TP63: variants seen among roughly 807,000 people sequenced by gnomAD.
TP63 encodes the protein tumor protein p63, also known as tumor protein 63.
TP63 carries 17 observed loss-of-function variants against 82.8 expected under a neutral mutation model. The observed-to-expected ratio is 0.21, with a 90% CI of 0.14 to 0.31. TP63 has a LOEUF of 0.31. Ranked by LOEUF, TP63 falls within the 10% of genes least tolerant of loss-of-function variation. TP63 has a pLI of 1.00. For synonymous variants in TP63, 330 were observed against 321.7 expected (o/e 1.03, Z -0.28); for missense variants, 648 against 895.3 (o/e 0.72, Z 3.52).
chr3:189,798,417 G>A lies in TP63; in HGVS notation c.325-9855G>A, dbSNP rs1725944421. ...AAAGTTTTTGAAAGACAGGGCAGAT[G>A]ATTTGTTTGGTATCAAGTAATTAGT... is the stretch of plus-strand genomic sequence containing the variant. On this transcript the variant is annotated intron_variant, in intron 3 of 13. Coordinates refer to ENST00000264731, the MANE Select transcript of TP63 (RefSeq NM_003722.5). Among the ~76,000 whole-genome samples, 3 of 152,020 alleles carry A rather than the reference G, an allele frequency of 2.0e-5. No homozygotes were observed. In the South Asian group the frequency reaches 6.2e-4, roughly 31 times the overall value.
chr3:189,725,545 A>G lies in TP63; in HGVS notation c.63-12195A>G, dbSNP rs554718268. Among the ~76,000 whole-genome samples the G allele has an allele frequency of 3.9e-5, 6 of 152,320 alleles. No individual in the cohort carries two copies. The East Asian group carries it at 1.2e-3, about 29-fold the overall frequency. ...AGACTCTGATTTAAGCTATTTTACT[A>G]CCAAGAGTTGGAACAAATAAAGTCA... is the stretch of plus-strand genomic sequence containing the variant. On this transcript the variant is annotated intron_variant, in intron 1 of 13. Coordinates refer to ENST00000264731, the MANE Select transcript of TP63 (RefSeq NM_003722.5).
chr3:189,840,895 C>CCCAATAA (rs1238339829), intron 4 of TP63, among the ~76,000 whole-genome samples: 1 of 149,748 alleles, frequency 6.7e-6, no homozygotes, highest in Non-Finnish European at 1.5e-5. Context: ...TTCAAGGTTT[C>CCCAATAA]CCAATAACCT....
At chr3:189,647,673 A>G (rs1334033617) in intron 1 of TP63, among the ~76,000 whole-genome samples, 1 of 146,646 alleles carries the variant, frequency 6.8e-6, no homozygotes, top group African/African-American at 2.6e-5. Flanking sequence ...CTGTCTGGTC[A>G]TTGTGTATGC....
chr3:189,601,764 G>A, the TP63 span, among the ~76,000 whole-genome samples: 1 of 152,100 alleles, frequency 6.6e-6, no homozygotes, highest in South Asian at 2.1e-4. Flanking sequence ...GCATTCTACT[G>A]AATGTTAAAT....
intron 1 of TP63, among the ~76,000 whole-genome samples, chr3:189,724,961 G>C (rs1463962761): frequency 6.6e-6 from 1 of 152,216 alleles, no homozygotes; most frequent in East Asian, 1.9e-4. Flanking sequence ...TATGGGGCAA[G>C]GATAAACCAG....
chr3:189,822,566 A>C (rs761579203), intron 4 of TP63, among the ~76,000 whole-genome samples: 1 of 152,186 alleles, frequency 6.6e-6, no homozygotes, highest in African/African-American at 2.4e-5. Flanking sequence ...GATGAGTAGT[A>C]TTTATCTTGT....
At chr3:189,737,520 T>A (rs903349195) in intron 1 of TP63, among the ~76,000 whole-genome samples, 1 of 152,140 alleles carries the variant, frequency 6.6e-6, no homozygotes, top group Admixed American at 6.5e-5. Flanking sequence ...GAAGACAAGA[T>A]TGTCTAGCAT....
At chr3:189,757,742 C>T (rs1200800719) in intron 3 of TP63, among the ~76,000 whole-genome samples, 2 of 152,160 alleles carry the variant, frequency 1.3e-5, no homozygotes, top group African/African-American at 2.4e-5. Flanking sequence ...CCCCTACCCC[C>T]AACCCTCACC....
At chr3:189,862,261 T>G (rs1052713551) in intron 4 of TP63, among the ~76,000 whole-genome samples, 67 of 152,182 alleles carry the variant, frequency 4.4e-4, no homozygotes, top group African/African-American at 1.6e-3. Flanking sequence ...CTTAGGGTTG[T>G]ATCAGGATAA....
chr3:189,670,816 C>CT (rs1224265795), intron 1 of TP63, among the ~76,000 whole-genome samples: 2 of 152,156 alleles, frequency 1.3e-5, no homozygotes, highest in South Asian at 4.1e-4. Context: ...ATGACACCCT[C>CT]TTCAATAAAT....
In TP63 at chr3:189,716,672, C is replaced by T. The variant is rs1718983633; in HGVS notation, c.63-21068C>T. ...ACATTTTTAAAGGAACCAAAATAAA[C>T]AAACAGTTCCTCAGTTGCATTCTTT... On this transcript the variant is annotated intron_variant, in intron 1 of 13. Coordinates refer to ENST00000264731, the MANE Select transcript of TP63 (RefSeq NM_003722.5). Among the ~76,000 whole-genome samples, 5 of 152,174 alleles carry T rather than the reference C, an allele frequency of 3.3e-5. No individual in the cohort carries two copies. In the South Asian group the frequency reaches 1.0e-3, roughly 31 times the overall value.
intron 1 of TP63, among the ~76,000 whole-genome samples, chr3:189,674,554 A>G (rs1482656682): frequency 3.9e-5 from 6 of 152,114 alleles, no homozygotes; most frequent in Admixed American, 1.3e-4. Flanking sequence ...ACATACAGAA[A>G]GTTTCCCAAA....
At chr3:189,840,805 C>T (rs998617582) in intron 4 of TP63, among the ~76,000 whole-genome samples, 4 of 141,442 alleles carry the variant, frequency 2.8e-5, no homozygotes, top group African/African-American at 8.0e-5. Flanking sequence ...TGCAGTGAGC[C>T]GAGATCATGC....
intron 3 of TP63, among the ~76,000 whole-genome samples, chr3:189,777,822 G>GTCTTCT (rs1317783097): frequency 6.8e-5 from 7 of 103,078 alleles, no homozygotes; most frequent in Admixed American, 2.0e-4. Flanking sequence ...CAGATGCTGA[G>GTCTTCT]TCTTCTTCTT....
intron 1 of TP63, among the ~76,000 whole-genome samples, chr3:189,692,814 C>G (rs1472490097): frequency 6.6e-6 from 1 of 152,168 alleles, no homozygotes; most frequent in African/African-American, 2.4e-5. Context: ...AATCTGTTTA[C>G]TGAACTCCTT....
chr3:189,827,131 G>A (rs904342631), intron 4 of TP63, among the ~76,000 whole-genome samples: 4 of 152,144 alleles, frequency 2.6e-5, no homozygotes, highest in Admixed American at 2.6e-4. Context: ...GACACTATTG[G>A]GTAATTATAT....
chr3:189,677,482 TTATC>T (rs1715543094), intron 1 of TP63, among the ~76,000 whole-genome samples: 1 of 150,614 alleles, frequency 6.6e-6, no homozygotes, highest in Admixed American at 6.7e-5. Context: ...GGCATTTTCT[TTATC>T]TAACCATGAG....
At chr3:189,654,236 G>A (rs1166184607) in intron 1 of TP63, among the ~76,000 whole-genome samples, 1 of 150,028 alleles carries the variant, frequency 6.7e-6, no homozygotes, top group African/African-American at 2.5e-5. Context: ...TTAATACCAA[G>A]CCTTTTGTAA....
intron 4 of TP63, among the ~76,000 whole-genome samples, chr3:189,850,937 C>G (rs1177541345): frequency 2.0e-5 from 3 of 152,100 alleles, no homozygotes; most frequent in Admixed American, 6.5e-5. Flanking sequence ...CTTTAGCAGA[C>G]TTTTACTATG....
Sources: gnomAD v4.1 joint callset for allele counts (sites outside exome capture counted in the v4.1 genomes callset) on GRCh38, gnomAD v4.1.1 for gene constraint, MANE v1.5 for transcripts, NCBI Gene and HGNC (gene_info 2026-07-23, HGNC 2026-07-21) for gene names.